Variants in ANAPC1 observed in about 807,000 individuals in gnomAD.
ANAPC1 encodes anaphase-promoting complex subunit 1.
ANAPC1 carries 36 observed loss-of-function variants against 208.0 expected under a neutral mutation model. The observed-to-expected ratio is 0.17, with a 90% CI of 0.13 to 0.23. The LOEUF (loss-of-function observed/expected upper bound fraction) is 0.23. Ranked by LOEUF, ANAPC1 falls within the 10% of genes least tolerant of loss-of-function variation. ANAPC1 has a pLI of 1.00. For missense variants in ANAPC1, 942 were observed against 2,011.6 expected (o/e 0.47, Z 10.17); for synonymous variants, 378 against 695.2 (o/e 0.54, Z 7.18).
intron 13 of ANAPC1, among the ~76,000 whole-genome samples, chr2:111,854,486 AG>A (rs1681591254): frequency 6.6e-6 from 1 of 152,204 alleles, no homozygotes; most frequent in African/African-American, 2.4e-5. Flanking sequence ...CTTTGAAGCC[AG>A]GCACTGACTT....
chr2:111,868,731 CCA>C (rs1682572463), intron 6 of ANAPC1, among the ~76,000 whole-genome samples: 1 of 152,172 alleles, frequency 6.6e-6, no homozygotes, highest in African/African-American at 2.4e-5. Context: ...CGGGGTTTCA[CCA>C]TGTTGGCCAG....
chr2:111,830,835 T>A (rs1293867319), intron 21 of ANAPC1, among the ~76,000 whole-genome samples: 1 of 152,188 alleles, frequency 6.6e-6, no homozygotes, highest in Non-Finnish European at 1.5e-5. Context: ...AGATGACAGT[T>A]TCTTTAAAAA....
intron 18 of ANAPC1, among the ~76,000 whole-genome samples, chr2:111,836,670 G>A (rs1044552777): frequency 2.0e-5 from 3 of 151,198 alleles, no homozygotes; most frequent in Admixed American, 2.0e-4. Context: ...GAAAAGAAAT[G>A]AAAATGTATG....
rs1322963502 is a variant in ANAPC1 at position 111,768,005 on chromosome 2, A to C, written c.*1286T>G. The C allele has an allele frequency of 1.3e-5, 2 of 152,082 alleles. No individual in the cohort carries two copies. The highest frequency in any genetic ancestry group is 2.9e-5 in the Non-Finnish European group (2 of 68,018). 9.4% of individuals were successfully genotyped at this position (152,082 alleles called of 1,614,324 possible). A position where few individuals can be genotyped will look rare whatever the true frequency, so the allele number is the denominator to read the frequency against. On this transcript the variant is annotated 3_prime_UTR_variant, in exon 48 of 48. Coordinates refer to ENST00000341068, the MANE Select transcript of ANAPC1 (RefSeq NM_022662.4). ...CATGTGGGTTTTTGCCAAAATCTCA[A>C]TGGAAACATTTCTATTTGCTTTAAT...
At chr2:111,883,500 G>A (rs531914372) in intron 1 of ANAPC1, among the ~76,000 whole-genome samples, 1 of 149,878 alleles carries the variant, frequency 6.7e-6, no homozygotes, top group African/African-American at 2.5e-5. Flanking sequence ...ATAAATAACA[G>A]TATCAGCAAT....
intron 16 of ANAPC1, among the ~76,000 whole-genome samples, chr2:111,845,172 C>T (rs1417901424): frequency 6.6e-6 from 1 of 152,170 alleles, no homozygotes; most frequent in Non-Finnish European, 1.5e-5. Flanking sequence ...AATGGCTCCA[C>T]ATCAATTATA....
At chr2:111,846,222 C>CTAT (rs1681052246) in intron 16 of ANAPC1, among the ~76,000 whole-genome samples, 1 of 151,830 alleles carries the variant, frequency 6.6e-6, no homozygotes, top group Admixed American at 6.6e-5. Flanking sequence ...ATTTTGTTTA[C>CTAT]TATGCTATGT....
At chr2:111,792,801 AAGTT>A (rs1677951517) in intron 37 of ANAPC1, among the ~76,000 whole-genome samples, 1 of 151,736 alleles carries the variant, frequency 6.6e-6, no homozygotes, top group Non-Finnish European at 1.5e-5. Flanking sequence ...AAAATACAAA[AAGTT>A]AGCCGGGCGT....
intron 24 of ANAPC1, among the ~76,000 whole-genome samples, chr2:111,824,096 G>C (rs929494979): frequency 2.0e-5 from 3 of 149,494 alleles, no homozygotes; most frequent in African/African-American, 7.3e-5. Context: ...TAACTATTGA[G>C]GCAAAAAATG....
chr2:111,823,782 A>C (rs929520135), intron 24 of ANAPC1, among the ~76,000 whole-genome samples: 1 of 151,880 alleles, frequency 6.6e-6, no homozygotes, highest in Non-Finnish European at 1.5e-5. Context: ...AGGTAACACA[A>C]ATGTAGGTAG....
At chr2:111,871,895 A>C (rs530355085) in intron 6 of ANAPC1, among the ~76,000 whole-genome samples, 2 of 152,042 alleles carry the variant, frequency 1.3e-5, no homozygotes, top group African/African-American at 4.8e-5. Flanking sequence ...CTTTTGGAGG[A>C]GTCTATAGGG....
intron 22 of ANAPC1, among the ~76,000 whole-genome samples, 153 bp from the exon 23 acceptor site, chr2:111,825,320 G>A (rs1281741309): frequency 3.3e-5 from 5 of 152,072 alleles, no homozygotes; most frequent in Non-Finnish European, 7.4e-5. Context: ...GAAAAGTACA[G>A]TCAAGGCCCT....
rs182606298 is a variant in ANAPC1 at position 111,868,987 on chromosome 2, C to T, written c.612-891G>A. Among the ~76,000 whole-genome samples, 753 of 152,300 alleles carry T rather than the reference C, an allele frequency of 4.9e-3. 4 individuals carry two copies. The highest frequency in any genetic ancestry group is 0.017 in the African/African-American group (727 of 41,550). On this transcript the variant is annotated intron_variant, in intron 6 of 47. Coordinates refer to ENST00000341068, the MANE Select transcript of ANAPC1 (RefSeq NM_022662.4). ...CATGCCTGACAGGTGCTGTATGCTG[C>T]TGCCCTTCGGTGTGCTCATAATTCA...
chr2:111,787,374 G>A (rs1677615510), intron 39 of ANAPC1, among the ~76,000 whole-genome samples: 2 of 150,384 alleles, frequency 1.3e-5, no homozygotes, highest in South Asian at 4.3e-4. Context: ...TACCATCAGA[G>A]TGTGGTCTTC....
rs115518636 is a variant in ANAPC1 at position 111,840,640 on chromosome 2, C to T, written c.2041-2128G>A. 6.5e-4 allele frequency among the ~76,000 whole-genome samples: 99 copies of T among 152,264 alleles called. 1 individual carries two copies. The highest frequency in any genetic ancestry group is 3.3e-3 in the South Asian group (16 of 4,830). On this transcript the variant is annotated intron_variant, in intron 17 of 47. Coordinates refer to ENST00000341068, the MANE Select transcript of ANAPC1 (RefSeq NM_022662.4). The stretch of plus-strand genomic sequence containing the variant: ...GATACACAAAACTACAGAAAGCTGA[C>T]GCGTTTTTTCATAATGTAGAAATCC...
chr2:111,831,566 G>A lies in ANAPC1; in HGVS notation c.2477-132C>T, dbSNP rs1680132469. 8 of 842,186 alleles carry A rather than the reference G, an allele frequency of 9.5e-6. No homozygotes were observed. In the Admixed American group the frequency reaches 1.3e-4, roughly 14 times the overall value. The allele number at this position is 842,186 out of a possible 1,614,324, so 52.2% of individuals were successfully genotyped here. A position where few individuals can be genotyped will look rare whatever the true frequency, so the allele number is the denominator to read the frequency against. ...TAGAATAATATTTTTCCAGCTGGGT[G>A]CAGTGGCTCACGCCTGTAACCCCAG... On this transcript the variant is annotated intron_variant, in intron 20 of 47. Transcript: ENST00000341068.
Position 111,768,635 on chromosome 2 carries a change from G to A in ANAPC1, c.*656C>T, listed in dbSNP as rs1676555780. ...TACTGAATTAAGGCCCCACCCTTAT[G>A]ATGACCTCACTTAACCTTAGTAATC... On this transcript the variant is annotated 3_prime_UTR_variant, in exon 48 of 48. Transcript: ENST00000341068. 2 of 147,324 alleles carry A rather than the reference G, an allele frequency of 1.4e-5. No individual in the cohort carries two copies. Among genetic ancestry groups the A allele is most frequent in the African/African-American group, 5.1e-5 (2 of 39,120 alleles). The allele number at this position is 147,324 out of a possible 1,614,324, so 9.1% of individuals were successfully genotyped here.
chr2:111,836,861 G>C (rs923585054), intron 18 of ANAPC1, among the ~76,000 whole-genome samples: 1 of 151,818 alleles, frequency 6.6e-6, no homozygotes, highest in Non-Finnish European at 1.5e-5. Context: ...CTAGCTACTG[G>C]GGAGGCTGAG....
rs1351919698 is a variant in ANAPC1 at position 111,843,527 on chromosome 2, T to C, written c.1925A>G (p.Tyr642Cys). Residue 642 changes from tyrosine to cysteine, a missense_variant, in exon 17 of 48, where the codon TAC becomes TGC. Coordinates refer to ENST00000341068, the MANE Select transcript of ANAPC1 (RefSeq NM_022662.4). Reference protein sequence around the residue: ...EIAVQMLVKWYNVHSAPGGPS... With the variant: ...EIAVQMLVKWCNVHSAPGGPS... ...TCCTCCTGGAGCACTGTGGACATTG[T>C]ACCACTTGACAAGCATCTGAACTGC... is the stretch of plus-strand genomic sequence containing the variant. The C allele has an allele frequency of 2.5e-6, 4 of 1,611,850 alleles. No homozygotes were observed. The highest frequency in any genetic ancestry group is 3.4e-6 in the Non-Finnish European group (4 of 1,179,828).
Sources: allele counts gnomAD v4.1 joint callset (sites outside exome capture counted in the v4.1 genomes callset), GRCh38; gene constraint gnomAD v4.1.1; transcripts MANE v1.5; gene names NCBI Gene and HGNC (gene_info 2026-07-23, HGNC 2026-07-21).